Variants in ANKFN1 observed in about 807,000 individuals in gnomAD.
The protein encoded by ANKFN1 is ankyrin repeat and fibronectin type III domain containing 1, also known as ankyrin repeat and fibronectin type-III domain-containing protein 1.
ANKFN1 carries 74 observed loss-of-function variants against 108.7 expected under a neutral mutation model. The ratio of observed to expected loss-of-function variants is 0.68; its 90% CI spans 0.56 to 0.83. The LOEUF is 0.83. Ranked by LOEUF, ANKFN1 falls within the 40% of genes least tolerant of loss-of-function variation. The pLI, the probability that ANKFN1 is intolerant of heterozygous loss-of-function variation, is 0.00. For synonymous variants in ANKFN1, 547 were observed against 516.2 expected (o/e 1.06, Z -0.81); for missense variants, 1,505 against 1,382.3 (o/e 1.09, Z -1.41).
At chr17:56,403,539 T>A (rs1474778973) in intron 8 of ANKFN1, among the ~76,000 whole-genome samples, 1 of 152,120 alleles carries the variant, frequency 6.6e-6, no homozygotes, top group Non-Finnish European at 1.5e-5. Context: ...TACTGTAAGT[T>A]TACCTTATGT....
At chr17:56,472,254 T>C (rs535905565) in intron 15 of ANKFN1, 1 of 152,268 alleles carries the variant, frequency 6.6e-6, no homozygotes, top group African/African-American at 2.4e-5. Context: ...ATTTAGAAAA[T>C]AATTCAGAAA....
At chr17:56,398,066 T>G (rs935456658) in intron 8 of ANKFN1, among the ~76,000 whole-genome samples, 1 of 152,168 alleles carries the variant, frequency 6.6e-6, no homozygotes, top group South Asian at 2.1e-4. Flanking sequence ...CCATGTAAGC[T>G]TCTCTCACAG....
At chr17:56,114,505 T>G (rs1355954023) in intron 4 of ANKFN1, among the ~76,000 whole-genome samples, 1 of 152,226 alleles carries the variant, frequency 6.6e-6, no homozygotes, top group Non-Finnish European at 1.5e-5. Context: ...GCAAATATTT[T>G]AGAGCATAAC....
chr17:56,288,312 C>A (rs1319178134), intron 3 of ANKFN1, among the ~76,000 whole-genome samples: 2 of 152,120 alleles, frequency 1.3e-5, no homozygotes. Context: ...ATCTATTCCT[C>A]CCTTTATACA....
Position 56,477,542 on chromosome 17 carries a change from C to A in ANKFN1, c.1828C>A (p.Leu610Met), listed in dbSNP as rs148855391. 75 of 1,605,662 alleles carry A rather than the reference C, an allele frequency of 4.7e-5. No homozygotes were observed. Among genetic ancestry groups the A allele is most frequent in the Non-Finnish European group, 6.3e-5 (74 of 1,176,278 alleles). ...SHQRLFPGLYLGYLKLCSSVD... is the reference protein window; with the variant it reads ...SHQRLFPGLYMGYLKLCSSVD... ...TCAGCGTCTCTTTCCTGGATTATAT[C>A]TGGGTTACCTAAAGCTCTGTAGCTC... Residue 610 changes from leucine (L) to methionine (M), a missense_variant, in exon 16 of 21, where the codon CTG becomes ATG. By Grantham distance (15) the Leu-to-Met change is conservative (BLOSUM62 2). Transcript: ENST00000682825.
intron 4 of ANKFN1, among the ~76,000 whole-genome samples, chr17:56,083,869 T>C (rs1905277413): frequency 1.3e-5 from 2 of 151,474 alleles, no homozygotes; most frequent in Non-Finnish European, 3.0e-5. Context: ...GTAGTCATCT[T>C]ACAACAATGT....
upstream of ANKFN1, chr17:56,153,355 T>C (rs905975511): frequency 2.3e-6 from 2 of 871,958 alleles, no homozygotes; most frequent in Admixed American, 4.0e-5. Context: ...ATCTGGACAC[T>C]CCTGGAGCCA....
intron 4 of ANKFN1, among the ~76,000 whole-genome samples, chr17:56,139,170 T>C (rs2143385146): frequency 6.6e-6 from 1 of 152,266 alleles, no homozygotes; most frequent in Non-Finnish European, 1.5e-5. Context: ...CTTGACAAAA[T>C]TCTAGAAAAG....
chr17:56,404,290 G>A (rs2047851982), intron 8 of ANKFN1, among the ~76,000 whole-genome samples: 2 of 152,004 alleles, frequency 1.3e-5, no homozygotes, highest in Non-Finnish European at 2.9e-5. Flanking sequence ...TCTTCCTCAG[G>A]AACACCGATT....
At chr17:56,145,383 A>G (rs1487249127) in intron 4 of ANKFN1, among the ~76,000 whole-genome samples, 1 of 152,206 alleles carries the variant, frequency 6.6e-6, no homozygotes, top group Non-Finnish European at 1.5e-5. Flanking sequence ...GGTAGTTTAT[A>G]AAGGAAAGAG....
At chr17:56,056,154 A>G (rs1215843427) in intron 4 of ANKFN1, among the ~76,000 whole-genome samples, 1 of 151,534 alleles carries the variant, frequency 6.6e-6, no homozygotes, top group African/African-American at 2.4e-5. Flanking sequence ...ATTTGCAAAT[A>G]TTTTCTTCCA....
chr17:56,135,731 T>G (rs181883751), intron 4 of ANKFN1, among the ~76,000 whole-genome samples: 1 of 151,570 alleles, frequency 6.6e-6, no homozygotes, highest in African/African-American at 2.4e-5. Context: ...TCTGAAGTTA[T>G]TGATTAAGGG....
intron 3 of ANKFN1, among the ~76,000 whole-genome samples, chr17:56,319,338 G>A (rs2045297660): frequency 6.6e-6 from 1 of 152,186 alleles, no homozygotes; most frequent in African/African-American, 2.4e-5. Flanking sequence ...ATTGGTTTAT[G>A]AGTTATCAAA....
At chr17:56,341,928 C>G (rs1270995580) in intron 4 of ANKFN1, among the ~76,000 whole-genome samples, 1 of 152,022 alleles carries the variant, frequency 6.6e-6, no homozygotes, top group Non-Finnish European at 1.5e-5. Flanking sequence ...GTGACTCCAT[C>G]TGGCCCTGGG....
intron 3 of ANKFN1, among the ~76,000 whole-genome samples, chr17:56,296,541 A>G (rs918818300): frequency 6.6e-6 from 1 of 152,080 alleles, no homozygotes; most frequent in Non-Finnish European, 1.5e-5. Context: ...AAAATTAGCC[A>G]CATGTGGTGG....
chr17:56,163,266 G>A (rs965001563), intron 1 of ANKFN1, among the ~76,000 whole-genome samples: 1 of 152,032 alleles, frequency 6.6e-6, no homozygotes, highest in Non-Finnish European at 1.5e-5. Flanking sequence ...TGTTCACAGA[G>A]ATTTTTCTAA....
chr17:56,422,794 A>G (rs1165006999), intron 8 of ANKFN1, among the ~76,000 whole-genome samples: 2 of 151,998 alleles, frequency 1.3e-5, no homozygotes, highest in Non-Finnish European at 2.9e-5. Context: ...ATTTTCCACT[A>G]AAAAAAATGG....
chr17:56,211,575 C>T lies in ANKFN1; in HGVS notation c.-70-1023C>T, dbSNP rs184399321. 7.7e-3 allele frequency among the ~76,000 whole-genome samples: 1,175 copies of T among 152,138 alleles called. 8 individuals are homozygous for T. The highest frequency in any genetic ancestry group is 0.011 in the Non-Finnish European group (766 of 67,990). The stretch of plus-strand genomic sequence containing the variant: ...GACTTGTTCTTTTTGTTTAGTCTTG[C>T]TTTGGCTATGCAGGCTTTTTTTGGT... On this transcript the variant is annotated intron_variant, in intron 1 of 20. Transcript: ENST00000682825.
rs551729922 is a variant in ANKFN1, at chr17:56,103,175, G to T, written c.288+56850G>T. Among the ~76,000 whole-genome samples the T allele has an allele frequency of 9.9e-5, 15 of 152,254 alleles. No homozygotes were observed. The East Asian group carries it at 2.3e-3, about 24-fold the overall frequency. ...AATCAGCACTGAAGGAGAGAGTGAG[G>T]CAATTCAGGTAATGAGCGACATGAA... On this transcript the variant is annotated intron_variant, in intron 4 of 12. Coordinates refer to the ANKFN1 transcript ENST00000635860.
Sources: gnomAD v4.1 joint callset for allele counts (sites outside exome capture counted in the v4.1 genomes callset) on GRCh38, gnomAD v4.1.1 for gene constraint, MANE v1.5 for transcripts, NCBI Gene and HGNC (gene_info 2026-07-23, HGNC 2026-07-21) for gene names.